PIBF1: variants seen among roughly 807,000 people sequenced by gnomAD.
The protein encoded by PIBF1 is progesterone-induced-blocking factor 1.
A neutral mutation model predicts 112.5 loss-of-function variants in PIBF1; 90 were observed. The ratio of observed to expected loss-of-function variants is 0.80; its 90% confidence interval spans 0.67 to 0.95. The LOEUF is 0.95. Among genes scored for constraint, PIBF1 ranks in the 40% least tolerant of loss-of-function variants. The pLI, the probability that PIBF1 is intolerant of heterozygous loss-of-function variation, is 0.00. For missense variants in PIBF1, 915 were observed against 852.3 expected (o/e 1.07, Z -0.92); for synonymous variants, 301 against 288.6 (o/e 1.04, Z -0.44).
intron 6 of PIBF1, among the ~76,000 whole-genome samples, chr13:72,823,911 A>G (rs8002885): frequency 0.78 from 118,007 of 152,092 alleles, 46,101 homozygotes; most frequent in South Asian, 0.85. Flanking sequence ...TTTGGGTGCT[A>G]TGGTCATGGC....
intron 14 of PIBF1, among the ~76,000 whole-genome samples, chr13:72,955,612 C>T (rs1336624776): frequency 2.0e-5 from 3 of 152,062 alleles, no homozygotes; most frequent in Non-Finnish European, 2.9e-5. Flanking sequence ...CACACACATA[C>T]ATACACACAC....
intron 10 of PIBF1, among the ~76,000 whole-genome samples, chr13:72,867,624 C>T (rs985800629): frequency 1.1e-4 from 17 of 152,174 alleles, no homozygotes; most frequent in Admixed American, 9.8e-4. Context: ...CCCCTTTCCT[C>T]AACTTACTGT....
At chr13:72,915,635 T>C (rs944329354) in intron 12 of PIBF1, among the ~76,000 whole-genome samples, 2 of 152,210 alleles carry the variant, frequency 1.3e-5, no homozygotes, top group Non-Finnish European at 2.9e-5. Flanking sequence ...CCAGTAGAGC[T>C]TATTTGGAGA....
At chr13:72,955,354 G>C (rs1370048638) in intron 14 of PIBF1, among the ~76,000 whole-genome samples, 1 of 150,702 alleles carries the variant, frequency 6.6e-6, no homozygotes, top group African/African-American at 2.4e-5. Flanking sequence ...CAAACACCAG[G>C]TCATATAAAT....
At chr13:72,937,418 C>T (rs1045417671) in intron 14 of PIBF1, among the ~76,000 whole-genome samples, 1 of 152,170 alleles carries the variant, frequency 6.6e-6, no homozygotes. Context: ...AAGAACCTTA[C>T]AACAGTATTC....
chr13:72,917,152 A>G lies in PIBF1; in HGVS notation c.1716A>G (p.Arg572=), dbSNP rs768642937. Reference sequence around the variant, plus strand: ...CTAATGTTCCCACAACAGCCAAAAGACGACTAAAGCAAAGGTAAAATCAAT... The same window carrying G: ...CTAATGTTCCCACAACAGCCAAAAGGCGACTAAAGCAAAGGTAAAATCAAT... ...YGANVPTTAK[R]RLKQSVHLAR... The change falls in exon 13 of 18, where the codon AGA becomes AGG. Residue 572 remains arginine, a synonymous_variant. Coordinates refer to ENST00000326291, the MANE Select transcript of PIBF1 (RefSeq NM_006346.4). 1.9e-6 allele frequency: 3 copies of G among 1,583,186 alleles called. No individual in the cohort carries two copies. The highest frequency in any genetic ancestry group is 1.8e-5 in the Admixed American group (1 of 56,446).
At chr13:73,001,226 A>G (rs1446818976) in intron 17 of PIBF1, among the ~76,000 whole-genome samples, 4 of 152,198 alleles carry the variant, frequency 2.6e-5, no homozygotes, top group Non-Finnish European at 5.9e-5. Context: ...TTCAGGCATC[A>G]TAATTTTTAG....
chr13:73,009,408 C>T (rs564920452), intron 17 of PIBF1, among the ~76,000 whole-genome samples: 3 of 152,284 alleles, frequency 2.0e-5, no homozygotes, highest in African/African-American at 4.8e-5. Flanking sequence ...AAGGTCGAGG[C>T]GTGATCCCAG....
At chr13:72,906,556 T>C (rs919137932) in intron 11 of PIBF1, among the ~76,000 whole-genome samples, 1 of 152,152 alleles carries the variant, frequency 6.6e-6, no homozygotes, top group African/African-American at 2.4e-5. Context: ...GGTTTACTTA[T>C]AACAACCACT....
At chr13:72,831,138 CTGTT>C (rs2037091658) in intron 8 of PIBF1, among the ~76,000 whole-genome samples, 1 of 151,130 alleles carries the variant, frequency 6.6e-6, no homozygotes, top group African/African-American at 2.4e-5. Context: ...TTTATTGTGT[CTGTT>C]TGGTTCTTCC....
At chr13:72,976,113 C>A (rs2043014682) in intron 16 of PIBF1, among the ~76,000 whole-genome samples, 3 of 152,176 alleles carry the variant, frequency 2.0e-5, no homozygotes, top group Non-Finnish European at 4.4e-5. Flanking sequence ...TAAATTCTAG[C>A]AGAGCTGGGC....
chr13:72,990,538 A>AG (rs971179140), intron 16 of PIBF1, among the ~76,000 whole-genome samples: 2 of 148,678 alleles, frequency 1.3e-5, no homozygotes, highest in Non-Finnish European at 3.0e-5. Context: ...CAAAAAAAAA[A>AG]AAAAAAAACC....
At chr13:72,789,557 C>T (rs890401523) in intron 2 of PIBF1, among the ~76,000 whole-genome samples, 2 of 151,946 alleles carry the variant, frequency 1.3e-5, no homozygotes, top group African/African-American at 4.8e-5. Context: ...TCCTTATTAC[C>T]TGGGAAATGA....
At chr13:72,826,628 A>ATT (rs545616558) in intron 6 of PIBF1, among the ~76,000 whole-genome samples, 161 of 148,694 alleles carry the variant, frequency 1.1e-3, no homozygotes, top group Non-Finnish European at 1.9e-3. Context: ...GATAAGTTGT[A>ATT]TTTTTTTTTT....
At chr13:72,837,291 TTTTAATA>T (rs1437416515) in intron 9 of PIBF1, among the ~76,000 whole-genome samples, 2 of 152,104 alleles carry the variant, frequency 1.3e-5, no homozygotes, top group Admixed American at 1.3e-4. Context: ...TTAGTTTATA[TTTTAATA>T]TTTGAGTATC....
At chr13:72,866,893 T>C (rs958544448) in intron 10 of PIBF1, among the ~76,000 whole-genome samples, 5 of 152,226 alleles carry the variant, frequency 3.3e-5, no homozygotes, top group East Asian at 3.8e-4. Context: ...ATCCCAGATG[T>C]ATGATCACTT....
chr13:72,972,357 G>A (rs2042917840), intron 15 of PIBF1, among the ~76,000 whole-genome samples: 1 of 152,098 alleles, frequency 6.6e-6, no homozygotes, highest in South Asian at 2.1e-4. Context: ...TAGAACTTAA[G>A]TAGAACTTTA....
chr13:72,792,008 G>A (rs2034955894), intron 2 of PIBF1, among the ~76,000 whole-genome samples: 1 of 151,780 alleles, frequency 6.6e-6, no homozygotes, highest in Admixed American at 6.6e-5. Flanking sequence ...AAAACTGGAG[G>A]CAGGAGGCCA....
At chr13:72,897,125 A>G (rs1181116937) in intron 11 of PIBF1, among the ~76,000 whole-genome samples, 4 of 152,250 alleles carry the variant, frequency 2.6e-5, no homozygotes, top group East Asian at 1.9e-4. Flanking sequence ...TACAAGCTAG[A>G]AAGGATTGGG....
Sources: gnomAD v4.1 joint callset for allele counts (sites outside exome capture counted in the v4.1 genomes callset) on GRCh38, gnomAD v4.1.1 for gene constraint, MANE v1.5 for transcripts, NCBI Gene and HGNC (gene_info 2026-07-23, HGNC 2026-07-21) for gene names.